SNX29: variants seen among roughly 807,000 people sequenced by gnomAD.
SNX29 encodes the protein sorting nexin 29.
A neutral mutation model predicts 102.1 loss-of-function variants in SNX29; 78 were observed. That is an observed-to-expected ratio of 0.76 (90% confidence interval 0.64 to 0.92). The LOEUF (loss-of-function observed/expected upper bound fraction) is 0.92, where lower values mean the gene tolerates loss of function less well. SNX29 is among the 40% of genes least tolerant of loss of function. The pLI, the probability that SNX29 is intolerant of heterozygous loss-of-function variation, is 0.00. For synonymous variants in SNX29, 580 were observed against 414.5 expected, an observed-to-expected ratio of 1.40 and a Z score of -4.85; for missense variants, 1,280 against 1,061.7, an observed-to-expected ratio of 1.21 and a Z score of -2.86.
At chr16:12,275,482 C>G (rs1258574747) in intron 14 of SNX29, among the ~76,000 whole-genome samples, 1 of 152,226 alleles carries the variant, frequency 6.6e-6, no homozygotes, top group Non-Finnish European at 1.5e-5. Context: ...CTTTTGCTTT[C>G]TAGTCCTGTG....
intron 11 of SNX29, among the ~76,000 whole-genome samples, chr16:12,109,699 G>C (rs2053425017): frequency 6.6e-6 from 1 of 151,852 alleles, no homozygotes; most frequent in South Asian, 2.1e-4. Context: ...CTGCAAGAAG[G>C]CTCAAGGGTT....
chr16:12,501,972 A>T (rs1390501379), intron 19 of SNX29, among the ~76,000 whole-genome samples: 2 of 152,158 alleles, frequency 1.3e-5, no homozygotes, highest in African/African-American at 4.8e-5. Context: ...CACCAGGCCA[A>T]CACTAGTTAT....
At chr16:12,535,330 G>A (rs2077044574) in intron 20 of SNX29, among the ~76,000 whole-genome samples, 1 of 152,154 alleles carries the variant, frequency 6.6e-6, no homozygotes, top group Non-Finnish European at 1.5e-5. Flanking sequence ...GTAGAGATGA[G>A]GTTTCGTGTT....
chr16:12,226,066 C>G (rs2077603144), intron 14 of SNX29, among the ~76,000 whole-genome samples: 1 of 152,096 alleles, frequency 6.6e-6, no homozygotes, highest in South Asian at 2.1e-4. Flanking sequence ...CTCTGTTGTT[C>G]CACTCTTTCC....
intron 15 of SNX29, among the ~76,000 whole-genome samples, chr16:12,347,070 T>C (rs2081835008): frequency 6.6e-6 from 1 of 152,178 alleles, no homozygotes; most frequent in Non-Finnish European, 1.5e-5. Context: ...CATCCTGATG[T>C]GTGTAAGCAT....
At position 12,544,693 on chromosome 16, in the gene SNX29, C is replaced by A. The variant is rs113626469; in HGVS notation, c.2318+19852C>A. Among the ~76,000 whole-genome samples the A allele has an allele frequency of 7.4e-4, 112 of 152,340 alleles. 1 individual carries two copies. In the Middle Eastern group the frequency reaches 0.01, roughly 14 times the overall value. ...CTTTGAGAGCGCTGTCACTCGAATT[C>A]TCTTCCTCCACCATCCCTTTAATAG... On this transcript the variant is annotated intron_variant, in intron 20 of 20. Transcript: ENST00000566228.
chr16:12,520,733 C>G (rs1001196462), intron 19 of SNX29, among the ~76,000 whole-genome samples: 3 of 151,886 alleles, frequency 2.0e-5, no homozygotes, highest in Admixed American at 6.6e-5. Context: ...CACTTATAAG[C>G]GGGAGCGAAG....
intron 19 of SNX29, among the ~76,000 whole-genome samples, chr16:12,491,235 A>G (rs2088530311): frequency 6.6e-6 from 1 of 152,196 alleles, no homozygotes; most frequent in South Asian, 2.1e-4. Flanking sequence ...GCATCCTTGT[A>G]CACGTCTTGG....
At chr16:12,461,261 C>T (rs1597459127) in intron 18 of SNX29, among the ~76,000 whole-genome samples, 1 of 152,142 alleles carries the variant, frequency 6.6e-6, no homozygotes, top group African/African-American at 2.4e-5. Context: ...AAGTCTGGTG[C>T]CTAGTAGGTG....
At chr16:12,288,795 C>T (rs1383363455) in intron 15 of SNX29, among the ~76,000 whole-genome samples, 3 of 151,474 alleles carry the variant, frequency 2.0e-5, no homozygotes, top group Non-Finnish European at 4.4e-5. Flanking sequence ...ATTCATTGTT[C>T]TCTGCATACC....
chr16:12,417,619 CCT>C (rs1189214112), intron 18 of SNX29, among the ~76,000 whole-genome samples: 1 of 151,978 alleles, frequency 6.6e-6, no homozygotes, highest in East Asian at 1.9e-4. Context: ...ATTCCTTTTC[CCT>C]GTTCCTTGTC....
intron 15 of SNX29, among the ~76,000 whole-genome samples, chr16:12,344,129 C>T (rs1437915597): frequency 6.6e-6 from 1 of 152,204 alleles, no homozygotes; most frequent in Non-Finnish European, 1.5e-5. Flanking sequence ...CTTTCGCCTT[C>T]TGCCAGATTG....
chr16:12,565,301 T>C (rs1467457681), intron 20 of SNX29, among the ~76,000 whole-genome samples: 3 of 152,162 alleles, frequency 2.0e-5, no homozygotes, highest in African/African-American at 7.2e-5. Flanking sequence ...ACCAGCACTC[T>C]CCATTCAAGT....
At position 12,369,665 on chromosome 16, in the gene SNX29, C is replaced by T. The variant is rs562582808; in HGVS notation, c.1899+13386C>T. Among the ~76,000 whole-genome samples, 16 of 152,258 alleles carry T rather than the reference C, an allele frequency of 1.1e-4. No homozygotes were observed. In the East Asian group the frequency reaches 1.2e-3, roughly 11 times the overall value. On this transcript the variant is annotated intron_variant, in intron 16 of 20. Coordinates refer to ENST00000566228, the MANE Select transcript of SNX29 (RefSeq NM_032167.5). The stretch of plus-strand genomic sequence containing the variant: ...ACCTTGTAAATCTCACTGGCTATGA[C>T]GCATCCCTCTAGATACTAAGTTAAT...
At chr16:12,568,155 C>A (rs979074916) in intron 20 of SNX29, among the ~76,000 whole-genome samples, 1 of 152,162 alleles carries the variant, frequency 6.6e-6, no homozygotes, top group Non-Finnish European at 1.5e-5. Context: ...GACTTAGAAG[C>A]GTACCTTTGC....
intron 20 of SNX29, among the ~76,000 whole-genome samples, chr16:12,538,500 T>C (rs904028306): frequency 3.9e-5 from 6 of 152,182 alleles, no homozygotes; most frequent in Admixed American, 1.3e-4. Context: ...TCTATGATAC[T>C]TTGTTGGTAT....
At chr16:12,331,627 C>T (rs1050463432) in intron 15 of SNX29, among the ~76,000 whole-genome samples, 1 of 152,166 alleles carries the variant, frequency 6.6e-6, no homozygotes, top group Non-Finnish European at 1.5e-5. Context: ...TCTTGGCTCA[C>T]TGCAGCCTCT....
chr16:12,405,766 G>A (rs1233306217), intron 18 of SNX29, among the ~76,000 whole-genome samples: 1 of 152,222 alleles, frequency 6.6e-6, no homozygotes, highest in Non-Finnish European at 1.5e-5. Context: ...AAGCATGGTG[G>A]CTCACGCCTG....
intron 13 of SNX29, among the ~76,000 whole-genome samples, chr16:12,160,111 C>G (rs974535052): frequency 6.6e-6 from 1 of 152,172 alleles, no homozygotes; most frequent in African/African-American, 2.4e-5. Flanking sequence ...GGAATAGCAC[C>G]GTGACTCTGA....
Sources: allele counts gnomAD v4.1 joint callset (sites outside exome capture counted in the v4.1 genomes callset), GRCh38; gene constraint gnomAD v4.1.1; transcripts MANE v1.5; gene names NCBI Gene and HGNC (gene_info 2026-07-23, HGNC 2026-07-21).